Variants in IL4R observed in about 807,000 individuals in gnomAD.
IL4R encodes the protein interleukin 4 receptor, also known as interleukin-4 receptor subunit alpha.
Under a neutral mutation model 41.5 loss-of-function variants are expected in IL4R, and 17 were observed. That is an observed-to-expected ratio of 0.41 (90% CI 0.28 to 0.61). The LOEUF (loss-of-function observed/expected upper bound fraction) is 0.61, where lower values mean the gene tolerates loss of function less well. IL4R is among the 20% of genes least tolerant of loss of function. The pLI is 0.31. For missense variants in IL4R, 974 were observed against 1,043.1 expected, an observed-to-expected ratio of 0.93 and a Z score of 0.91; for synonymous variants, 402 against 422.9, an observed-to-expected ratio of 0.95 and a Z score of 0.61.
At position 27,345,545 on chromosome 16, in the gene IL4R, G is replaced by A. The variant is rs762426489; in HGVS notation, c.361+525G>A. The A allele has an allele frequency of 2.6e-5, 6 of 226,812 alleles. No homozygotes were observed. Among genetic ancestry groups the A allele is most frequent in the Non-Finnish European group, 5.4e-5 (6 of 110,660 alleles). The allele number at this position is 226,812 out of a possible 1,614,324, so 14.0% of individuals were successfully genotyped here. On this transcript the variant is annotated intron_variant, in intron 5 of 10. Coordinates refer to ENST00000395762, the MANE Select transcript of IL4R (RefSeq NM_000418.4). The surrounding 1 kb of genome is among the most constrained non-coding windows in gnomAD (Gnocchi z 4.5). The stretch of plus-strand genomic sequence containing the variant: ...ATGCATCACAGGAATAAAAACCTGA[G>A]GTCTCATGGATATGATTGCTTCAAA...
intron 1 of IL4R, among the ~76,000 whole-genome samples, chr16:27,323,509 C>T (rs144660294): frequency 0.015 from 2,261 of 152,324 alleles, 34 homozygotes; most frequent in Non-Finnish European, 0.019. Flanking sequence ...AAATCCCAGC[C>T]CACTCACTAG....
intron 3 of IL4R, 64 bp downstream of exon 3, chr16:27,340,337 A>G: frequency 8.0e-7 from 1 of 1,250,042 alleles, no homozygotes; most frequent in Non-Finnish European, 1.2e-6. Flanking sequence ...GTCCTGCAGT[A>G]TGTCACCTGG....
rs183306599 is a variant in IL4R at position 27,331,537 on chromosome 16, G to C, written c.-19+1339G>C. On this transcript the variant is annotated intron_variant, in intron 2 of 10. Transcript: ENST00000395762. ...TTTAAGTGAATGGTGAGGCTGCCCA[G>C]TATAGGAGGGCAGAGCTTTCCAGGT... Among the ~76,000 whole-genome samples the C allele has an allele frequency of 1.7e-3, 262 of 152,288 alleles. 1 individual carries two copies. The highest frequency in any genetic ancestry group is 3.1e-4 in the Non-Finnish European group (21 of 67,998).
chr16:27,329,834 T>C (rs1006791382), intron 1 of IL4R, among the ~76,000 whole-genome samples: 16 of 152,000 alleles, frequency 1.1e-4, no homozygotes, highest in African/African-American at 3.9e-4. Context: ...AACAGGGTGC[T>C]GTGATAAGAA....
intron 3 of IL4R, 26 bp downstream of exon 3, chr16:27,340,299 A>G (rs2085400045): frequency 6.3e-7 from 1 of 1,587,084 alleles, no homozygotes; most frequent in Non-Finnish European, 8.7e-7. Context: ...TCAATCATTC[A>G]TTTGTTGGCT....
intron 4 of IL4R, 58 bp from the exon 5 acceptor site, chr16:27,344,811 G>A (rs2085578088): frequency 6.4e-7 from 1 of 1,574,208 alleles, no homozygotes; most frequent in African/African-American, 1.3e-5. Context: ...CCCGGACACA[G>A]CTGTGGGGCC....
intron 1 of IL4R, among the ~76,000 whole-genome samples, chr16:27,315,923 G>C (rs906663785): frequency 3.9e-5 from 6 of 152,166 alleles, no homozygotes; most frequent in African/African-American, 1.4e-4. Flanking sequence ...CGGCAGGTCC[G>C]AGATAACCTA....
At chr16:27,344,364 CAAAAA>C (rs34638911) in intron 4 of IL4R, among the ~76,000 whole-genome samples, 2 of 112,918 alleles carry the variant, frequency 1.8e-5, no homozygotes, top group African/African-American at 3.2e-5. Context: ...TACAAATAAC[CAAAAA>C]AAAAAAAAAA....
At chr16:27,356,882 A>C (rs748773445) in intron 8 of IL4R, among the ~76,000 whole-genome samples, 7 of 152,094 alleles carry the variant, frequency 4.6e-5, no homozygotes, top group Admixed American at 4.6e-4. Flanking sequence ...AATCACAGTA[A>C]AGGCTGAGGG....
At position 27,338,801 on chromosome 16, in the gene IL4R, G is replaced by T. The variant is rs149726965; in HGVS notation, c.-18-1385G>T. 2.0e-5 allele frequency among the ~76,000 whole-genome samples: 3 copies of T among 152,136 alleles called. No individual in the cohort carries two copies. The East Asian group carries it at 5.8e-4, about 29-fold the overall frequency. ...CACCAGATCTGGATCTCCTAGTGTC[G>T]TGATCTTGGACTTCCCAGTCTCCAG... On this transcript the variant is annotated intron_variant, in intron 2 of 10. Coordinates refer to ENST00000395762, the MANE Select transcript of IL4R (RefSeq NM_000418.4).
At chr16:27,327,233 C>T (rs956586715) in intron 1 of IL4R, among the ~76,000 whole-genome samples, 3 of 152,102 alleles carry the variant, frequency 2.0e-5, no homozygotes, top group African/African-American at 7.2e-5. Context: ...ACCAGCCCCT[C>T]CTCCAAGCCA....
At position 27,364,235 on chromosome 16, in the gene IL4R, G is replaced by A. The variant is rs150183816; in HGVS notation, c.*405G>A. 2.4e-3 allele frequency: 426 copies of A among 176,512 alleles called. 2 individuals carry two copies. The highest frequency in any genetic ancestry group is 9.7e-3 in the African/African-American group (413 of 42,412). The allele number at this position is 176,512 out of a possible 1,614,324, so 10.9% of individuals were successfully genotyped here. A position where few individuals can be genotyped will look rare whatever the true frequency, so the allele number is the denominator to read the frequency against. On this transcript the variant is annotated 3_prime_UTR_variant, in exon 11 of 11. Coordinates refer to ENST00000395762, the MANE Select transcript of IL4R (RefSeq NM_000418.4). ...TCATGGCCCACGTGGAGGCCCACCT[G>A]CCTCTGTCTCACTGAACTAGAAGCC...
At chr16:27,336,228 C>G (rs905563610) in intron 2 of IL4R, among the ~76,000 whole-genome samples, 1 of 152,104 alleles carries the variant, frequency 6.6e-6, no homozygotes, top group Non-Finnish European at 1.5e-5. Flanking sequence ...AACACAAAGC[C>G]TGTTTTGTTA....
chr16:27,354,317 C>A (rs2085979730), intron 7 of IL4R, among the ~76,000 whole-genome samples: 1 of 152,200 alleles, frequency 6.6e-6, no homozygotes, highest in South Asian at 2.1e-4. Context: ...GGCATTGTAT[C>A]CTTAGACTTG....
chr16:27,363,605 G>A lies in IL4R; in HGVS notation c.2253G>A (p.Arg751=), dbSNP rs1316056708. The change falls in exon 11 of 11, where the codon AGG becomes AGA. Residue 751 remains arginine, a synonymous_variant. Coordinates refer to ENST00000395762, the MANE Select transcript of IL4R (RefSeq NM_000418.4). ...SPCCGCCCGD[R]SSPPTTPLRA... Reference sequence around the variant, plus strand: ...GCTGTGGCTGCTGCTGTGGAGACAGGTCCTCGCCCCCTACAACCCCCCTGA... The same window carrying A: ...GCTGTGGCTGCTGCTGTGGAGACAGATCCTCGCCCCCTACAACCCCCCTGA... 4 of 1,614,026 alleles carry A rather than the reference G, an allele frequency of 2.5e-6. No homozygotes were observed. The South Asian group carries it at 3.3e-5, about 13-fold the overall frequency.
intron 8 of IL4R, among the ~76,000 whole-genome samples, 155 bp from the exon 9 acceptor site, chr16:27,358,761 C>CA (rs1435283719): frequency 6.6e-6 from 1 of 152,196 alleles, no homozygotes; most frequent in Non-Finnish European, 1.5e-5. Context: ...TCCATGTCAC[C>CA]AGGTTAGAAT....
Position 27,360,331 on chromosome 16 carries a change from C to T in IL4R, c.850-435C>T, listed in dbSNP as rs150133539. Among the ~76,000 whole-genome samples the T allele has an allele frequency of 7.2e-5, 11 of 152,336 alleles. 1 individual carries two copies. In the East Asian group the frequency reaches 2.1e-3, roughly 29 times the overall value. On this transcript the variant is annotated intron_variant, in intron 9 of 10. Coordinates refer to ENST00000395762, the MANE Select transcript of IL4R (RefSeq NM_000418.4). ...ACCCAGCCTAGTTGGCTGACTTTTACCTGGGACAGTGCAGGTGCCTGAGCC... is the reference window on the plus strand; with the variant it reads ...ACCCAGCCTAGTTGGCTGACTTTTATCTGGGACAGTGCAGGTGCCTGAGCC...
At chr16:27,346,675 C>G in intron 6 of IL4R, 57 bp downstream of exon 6, 1 of 1,579,064 alleles carries the variant, frequency 6.3e-7, no homozygotes, top group South Asian at 1.1e-5. Context: ...GGTGGGTGAC[C>G]AGCAGAGGCC....
At chr16:27,332,753 T>A (rs2085148782) in intron 2 of IL4R, among the ~76,000 whole-genome samples, 1 of 151,988 alleles carries the variant, frequency 6.6e-6, no homozygotes, top group South Asian at 2.1e-4. Context: ...GTACTCTAGA[T>A]GGAAACAGAT....
Sources: allele counts gnomAD v4.1 joint callset (sites outside exome capture counted in the v4.1 genomes callset), GRCh38; gene constraint gnomAD v4.1.1; non-coding constraint Gnocchi (gnomAD v3.1); transcripts MANE v1.5; gene names NCBI Gene and HGNC (gene_info 2026-07-23, HGNC 2026-07-21).